The following ZNF711 variants were observed in gnomAD, a reference collection of about 807,000 sequenced individuals.
ZNF711 encodes the protein zinc finger protein 711.
ZNF711 carries 3 observed loss-of-function variants against 43.5 expected under a neutral mutation model. The observed-to-expected ratio is 0.07, with a 90% CI of 0.03 to 0.18. The LOEUF (loss-of-function observed/expected upper bound fraction) is 0.18, where lower values mean the gene tolerates loss of function less well. Among genes scored for constraint, ZNF711 ranks in the 10% least tolerant of loss-of-function variants. ZNF711 has a pLI of 1.00. For missense variants in ZNF711, 412 were observed against 604.0 expected (o/e 0.68, Z 3.33); for synonymous variants, 209 against 207.7 (o/e 1.01, Z -0.06).
chrX:85,251,125 AT>A (rs1301204979), intron 4 of ZNF711, among the ~76,000 whole-genome samples: 1 of 111,711 alleles, frequency 9.0e-6, no homozygotes, highest in Non-Finnish European at 1.9e-5. Context: ...CCCATAAATT[AT>A]TGACATTTGT....
In ZNF711 at chrX:85,254,152, T is replaced by C. The variant is rs910682918; in HGVS notation, c.80-1107T>C. Among the ~76,000 whole-genome samples the C allele has an allele frequency of 4.5e-5, 5 of 111,376 alleles. No homozygotes were observed. In the East Asian group the frequency reaches 1.4e-3, roughly 32 times the overall value. On this transcript the variant is annotated intron_variant, in intron 4 of 10. Coordinates refer to ENST00000674551, the MANE Select transcript of ZNF711 (RefSeq NM_001330574.2). ...CAGTGTTTGGTATAAACATATATTT[T>C]CATTTTTCTGGGGAAAAATGCCCGA...
At chrX:85,261,974 G>A (rs12558751) in intron 5 of ZNF711, among the ~76,000 whole-genome samples, 23,861 of 110,156 alleles carry the variant, frequency 0.22, 2,449 homozygotes, top group African/African-American at 0.4. Flanking sequence ...CATAACGAAG[G>A]ATATAGAATA....
At position 85,247,669 on chromosome X, in the gene ZNF711, T is replaced by C; in HGVS notation, c.79+18T>C. On this transcript the variant is annotated intron_variant, in intron 4 of 10. Transcript: ENST00000674551. The stretch of plus-strand genomic sequence containing the variant: ...AGATTTTGGTAAAGCATTTTCTTTG[T>C]TGTATTTTTTTCTTTTTTAGAAGTA... 2 of 1,181,034 alleles carry C rather than the reference T, an allele frequency of 1.7e-6. No individual in the cohort carries two copies. Among genetic ancestry groups the C allele is most frequent in the Non-Finnish European group, 2.3e-6 (2 of 867,786 alleles).
At position 85,271,291 on chromosome X, in the gene ZNF711, G is replaced by A; in HGVS notation, c.1887G>A (p.Leu629=). The change falls in exon 11 of 11, where the codon TTG becomes TTA. Residue 629 remains leucine, a synonymous_variant. Coordinates refer to ENST00000674551, the MANE Select transcript of ZNF711 (RefSeq NM_001330574.2). ...DERELQRHLD[L]FQGHKTHQCP... ...GGGAGCTTCAACGCCATCTGGATTT[G>A]TTTCAAGGACATAAGACACACCAGT... The A allele has an allele frequency of 8.3e-7, 1 of 1,210,498 alleles. No individual in the cohort carries two copies. The highest frequency in any genetic ancestry group is 1.8e-5 in the South Asian group (1 of 56,832).
At chrX:85,259,103 G>A (rs1024729212) in intron 5 of ZNF711, among the ~76,000 whole-genome samples, 1 of 111,337 alleles carries the variant, frequency 9.0e-6, no homozygotes, top group African/African-American at 3.3e-5. Flanking sequence ...TAGGGGTCCA[G>A]TTTCATTCTT....
chrX:85,267,697 A>G (rs1931210928), intron 8 of ZNF711, among the ~76,000 whole-genome samples: 2 of 111,667 alleles, frequency 1.8e-5, no homozygotes, highest in Non-Finnish European at 3.8e-5. Flanking sequence ...TTTTTCTAAA[A>G]TAGGAATATC....
At chrX:85,253,414 G>A (rs1036457617) in intron 4 of ZNF711, among the ~76,000 whole-genome samples, 2 of 110,960 alleles carry the variant, frequency 1.8e-5, no homozygotes, top group South Asian at 3.8e-4. Context: ...ATCCTTTTAC[G>A]TTTTTGTGCC....
intron 5 of ZNF711, among the ~76,000 whole-genome samples, chrX:85,260,593 C>A (rs1425883335): frequency 3.2e-5 from 2 of 63,037 alleles, no homozygotes; most frequent in African/African-American, 4.6e-5. Context: ...ACCCTATACC[C>A]TTTAGCTGTT....
rs778795037 is a variant in ZNF711 at position 85,247,538 on chromosome X, C to A, written c.-26-9C>A. The A allele has an allele frequency of 2.6e-6, 3 of 1,133,752 alleles. No individual in the cohort carries two copies. Among genetic ancestry groups the A allele is most frequent in the Non-Finnish European group, 3.6e-6 (3 of 831,077 alleles). The allele number at this position is 1,133,752 out of a possible 1,213,427, so 93.4% of individuals were successfully genotyped here. A position where few individuals can be genotyped will look rare whatever the true frequency, so the allele number is the denominator to read the frequency against. ...TATTAAACTATTTTAAAAGCCATTTCTTTTGCAGATATTGGTGAATGAACT... is the reference window on the plus strand; with the variant it reads ...TATTAAACTATTTTAAAAGCCATTTATTTTGCAGATATTGGTGAATGAACT... On this transcript the variant is annotated splice_polypyrimidine_tract_variant and intron_variant, in intron 3 of 10. Coordinates refer to ENST00000674551, the MANE Select transcript of ZNF711 (RefSeq NM_001330574.2).
At chrX:85,268,399 T>A in intron 9 of ZNF711, 58 bp downstream of exon 9, 1 of 1,156,907 alleles carries the variant, frequency 8.6e-7, no homozygotes, top group East Asian at 3.0e-5. Flanking sequence ...TTTATTTTAC[T>A]GCTTGGTAAG....
rs1462160566 is a variant in ZNF711, at chrX:85,270,869, G to A, written c.1465G>A (p.Asp489Asn). Residue 489 changes from aspartate (D) to asparagine (N), a missense_variant, in exon 11 of 11, where the codon GAC becomes AAC. By Grantham distance (23) the Asp-to-Asn change is conservative (BLOSUM62 1). Coordinates refer to ENST00000674551, the MANE Select transcript of ZNF711 (RefSeq NM_001330574.2). ...LESHKLINKV[D>N]KTHEFTEYTR... Reference sequence around the variant, plus strand: ...AAGCCATAAGCTCATAAACAAAGTCGACAAAACCCATGAATTTACAGAATA... The same window carrying A: ...AAGCCATAAGCTCATAAACAAAGTCAACAAAACCCATGAATTTACAGAATA... 5.8e-6 allele frequency: 7 copies of A among 1,208,534 alleles called. No individual in the cohort carries two copies. Among genetic ancestry groups the A allele is most frequent in the Non-Finnish European group, 6.7e-6 (6 of 893,890 alleles).
At chrX:85,262,732 T>C (rs956352800) in intron 5 of ZNF711, among the ~76,000 whole-genome samples, 6 of 110,868 alleles carry the variant, frequency 5.4e-5, no homozygotes, top group Non-Finnish European at 1.1e-4. Flanking sequence ...AGTAAGCTAT[T>C]AAAATTTGGA....
chrX:85,251,126 T>C (rs1012158864), intron 4 of ZNF711, among the ~76,000 whole-genome samples: 4 of 111,719 alleles, frequency 3.6e-5, no homozygotes, highest in East Asian at 2.8e-4. Context: ...CCATAAATTA[T>C]TGACATTTGT....
rs1436722957 is a variant in ZNF711, at chrX:85,244,160, AG to A, written c.-436del. 1 of 148,043 alleles carries A rather than the reference AG, an allele frequency of 6.8e-6. No homozygotes were observed. Among genetic ancestry groups the A allele is most frequent in the Non-Finnish European group, 1.2e-5 (1 of 80,264 alleles). 12.2% of individuals were successfully genotyped at this position (148,043 alleles called of 1,213,427 possible). A position where few individuals can be genotyped will look rare whatever the true frequency, so the allele number is the denominator to read the frequency against. ...CGGCGGCGGCGGCAGCGGCGGCGGC[AG>A]CGGCGGCGGCAGCTGTAGCTGCAGC... is the stretch of plus-strand genomic sequence containing the variant. On this transcript the variant is annotated 5_prime_UTR_variant, in exon 1 of 11. Coordinates refer to ENST00000674551, the MANE Select transcript of ZNF711 (RefSeq NM_001330574.2).
intron 5 of ZNF711, among the ~76,000 whole-genome samples, chrX:85,258,889 T>C (rs1441688096): frequency 9.0e-6 from 1 of 111,665 alleles, no homozygotes; most frequent in Non-Finnish European, 1.9e-5. Flanking sequence ...TTTCTTTTGC[T>C]GTGCAGAAGC....
rs745988477 is a variant in ZNF711 at position 85,271,322 on chromosome X, C to A, written c.1918C>A (p.His640Asn). The A allele has an allele frequency of 8.3e-7, 1 of 1,210,278 alleles. No individual in the cohort carries two copies. Among genetic ancestry groups the A allele is most frequent in the Admixed American group, 2.2e-5 (1 of 45,823 alleles). The change falls in exon 11 of 11, where the codon CAT (histidine) becomes AAT (asparagine). Residue 640 changes from histidine (H) to asparagine (N), a missense_variant. Physicochemically the swap from His to Asn is moderately conservative, Grantham distance 68 (BLOSUM62 1). Around this residue, in one of 4 missense-constraint regions of ZNF711, gnomAD observed 375 missense variants for 514.2 expected, o/e 0.73. Coordinates refer to ENST00000674551, the MANE Select transcript of ZNF711 (RefSeq NM_001330574.2). ...FQGHKTHQCP[H>N]CDHKSTNSSD... ...AGGACATAAGACACACCAGTGTCCT[C>A]ATTGTGACCATAAGAGCACCAATTC...
chrX:85,248,685 G>A (rs1328269115), intron 4 of ZNF711, among the ~76,000 whole-genome samples: 2 of 110,619 alleles, frequency 1.8e-5, no homozygotes, highest in Non-Finnish European at 3.8e-5. Flanking sequence ...TTGAAGATAA[G>A]ATTGGAGTGA....
intron 1 of ZNF711, among the ~76,000 whole-genome samples, chrX:85,245,238 T>G (rs1469285595): frequency 8.9e-6 from 1 of 112,250 alleles, no homozygotes; most frequent in Non-Finnish European, 1.9e-5. Flanking sequence ...ATGAGCTATG[T>G]TAGAAGAGAC....
At chrX:85,260,518 A>G (rs779263893) in intron 5 of ZNF711, among the ~76,000 whole-genome samples, 1 of 110,091 alleles carries the variant, frequency 9.1e-6, no homozygotes, top group African/African-American at 3.3e-5. Flanking sequence ...TTTTTCATAT[A>G]TTCACAGGGT....
Sources: allele counts gnomAD v4.1 joint callset (sites outside exome capture counted in the v4.1 genomes callset), GRCh38; gene constraint gnomAD v4.1.1; regional missense constraint gnomAD v4.1.1; transcripts MANE v1.5; gene names NCBI Gene and HGNC (gene_info 2026-07-23, HGNC 2026-07-21).